Variants in SORBS2 observed in about 807,000 individuals in gnomAD.
SORBS2 encodes the protein sorbin and SH3 domain containing 2.
A neutral mutation model predicts 97.7 loss-of-function variants in SORBS2; 46 were observed. The ratio of observed to expected loss-of-function variants is 0.47; its 90% CI spans 0.37 to 0.60. The LOEUF (loss-of-function observed/expected upper bound fraction) is 0.60, where lower values mean the gene tolerates loss of function less well. Ranked by LOEUF, SORBS2 falls within the 20% of genes least tolerant of loss-of-function variation. The pLI is 0.00. For synonymous variants in SORBS2, 476 were observed against 473.4 expected (o/e 1.01, Z -0.07); for missense variants, 1,316 against 1,282.3 (o/e 1.03, Z -0.40).
At chr4:185,791,525 T>C (rs2099080033) in intron 1 of SORBS2, among the ~76,000 whole-genome samples, 1 of 152,166 alleles carries the variant, frequency 6.6e-6, no homozygotes, top group African/African-American at 2.4e-5. Flanking sequence ...GGCTGTACAG[T>C]GTTTATCATA....
intron 2 of SORBS2, among the ~76,000 whole-genome samples, chr4:185,720,420 G>C (rs1429801555): frequency 1.3e-5 from 2 of 152,200 alleles, no homozygotes; most frequent in East Asian, 3.8e-4. Flanking sequence ...GTCTTGGGTT[G>C]AGTGACACGG....
intron 1 of SORBS2, among the ~76,000 whole-genome samples, chr4:185,913,622 C>T (rs909152515): frequency 6.6e-6 from 1 of 152,108 alleles, no homozygotes; most frequent in Non-Finnish European, 1.5e-5. Context: ...AAACCAGATT[C>T]TGAAGAGGAT....
intron 12 of SORBS2, among the ~76,000 whole-genome samples, chr4:185,600,266 G>A (rs2096229122): frequency 6.6e-6 from 1 of 152,214 alleles, no homozygotes; most frequent in African/African-American, 2.4e-5. Context: ...CACAGGCACA[G>A]CAGAAAAAGG....
chr4:185,680,185 AT>A (rs1298594209), intron 2 of SORBS2, among the ~76,000 whole-genome samples: 1 of 152,010 alleles, frequency 6.6e-6, no homozygotes, highest in East Asian at 1.9e-4. Context: ...TTTTTATTTT[AT>A]TTTTTAAAGA....
chr4:185,886,283 C>G (rs950701091), intron 1 of SORBS2, among the ~76,000 whole-genome samples: 1 of 152,030 alleles, frequency 6.6e-6, no homozygotes, highest in Admixed American at 6.6e-5. Context: ...CCACCCAGTG[C>G]GGTGGCTCAC....
intron 1 of SORBS2, among the ~76,000 whole-genome samples, chr4:185,654,836 C>A (rs2097370514): frequency 6.6e-6 from 1 of 152,030 alleles, no homozygotes; most frequent in Non-Finnish European, 1.5e-5. Flanking sequence ...ACTAAATAGA[C>A]CTGAATTTTT....
intron 1 of SORBS2, among the ~76,000 whole-genome samples, chr4:185,655,506 C>A (rs1350617192): frequency 1.3e-5 from 2 of 152,134 alleles, no homozygotes; most frequent in African/African-American, 4.8e-5. Flanking sequence ...CCTCATAGAC[C>A]TGGACCTTCT....
upstream of SORBS2, among the ~76,000 whole-genome samples, chr4:185,660,156 T>G (rs2097492255): frequency 6.6e-6 from 1 of 152,216 alleles, no homozygotes; most frequent in African/African-American, 2.4e-5. Flanking sequence ...AAAATCTACT[T>G]ATCAATATAT....
At chr4:185,665,353 A>C (rs1336837583) in intron 4 of SORBS2, among the ~76,000 whole-genome samples, 19 of 152,226 alleles carry the variant, frequency 1.2e-4, no homozygotes, top group Non-Finnish European at 1.5e-5. Flanking sequence ...TGAGTCTGTG[A>C]GAAAAACTGC....
At chr4:185,884,258 C>T (rs2099238252) in intron 1 of SORBS2, among the ~76,000 whole-genome samples, 1 of 151,988 alleles carries the variant, frequency 6.6e-6, no homozygotes, top group African/African-American at 2.4e-5. Flanking sequence ...GGAATTGTTC[C>T]CATTTATCAT....
chr4:185,864,895 G>A (rs1325057704), intron 1 of SORBS2, among the ~76,000 whole-genome samples: 3 of 147,534 alleles, frequency 2.0e-5, no homozygotes, highest in Non-Finnish European at 4.5e-5. Flanking sequence ...CTGGGCGATA[G>A]AGTGAGACTC....
In SORBS2 at chr4:185,678,218, A is replaced by T. The variant is rs1021521340; in HGVS notation, c.-46+205T>A. ...CCGACATACTTTGATAAGCTTAATC[A>T]GAAACAAAACCAAACCAAACCCTTG... is the stretch of plus-strand genomic sequence containing the variant. On this transcript the variant is annotated intron_variant, in intron 4 of 20. Coordinates refer to the SORBS2 transcript ENST00000284776. 2.0e-5 allele frequency among the ~76,000 whole-genome samples: 3 copies of T among 152,232 alleles called. No homozygotes were observed. The South Asian group carries it at 6.2e-4, about 32-fold the overall frequency.
At chr4:185,780,914 A>T (rs2099025454) in intron 1 of SORBS2, among the ~76,000 whole-genome samples, 1 of 152,060 alleles carries the variant, frequency 6.6e-6, no homozygotes, top group Admixed American at 6.5e-5. Context: ...TCTAGTTGAA[A>T]CTTTGTTTCA....
chr4:185,836,361 G>C (rs768343915), intron 1 of SORBS2, among the ~76,000 whole-genome samples: 8 of 152,174 alleles, frequency 5.3e-5, no homozygotes, highest in Non-Finnish European at 1.0e-4. Context: ...GCTCTCATCA[G>C]AGTAGACAGA....
At chr4:185,801,346 T>C (rs562010493) in intron 1 of SORBS2, among the ~76,000 whole-genome samples, 4 of 152,332 alleles carry the variant, frequency 2.6e-5, no homozygotes, top group Admixed American at 2.6e-4. Context: ...GAAGTGGAGT[T>C]GCTAGATCAT....
At chr4:185,856,406 TG>T (rs1434187949) in intron 1 of SORBS2, among the ~76,000 whole-genome samples, 1 of 152,204 alleles carries the variant, frequency 6.6e-6, no homozygotes, top group East Asian at 1.9e-4. Context: ...CCTACACCTC[TG>T]CCTGGCATGT....
At chr4:185,866,722 T>C (rs1376622627) in intron 1 of SORBS2, among the ~76,000 whole-genome samples, 1 of 152,236 alleles carries the variant, frequency 6.6e-6, no homozygotes, top group Non-Finnish European at 1.5e-5. Flanking sequence ...ATCTTGAATA[T>C]TGTCTTGAAA....
rs992675828 is a variant in SORBS2, at chr4:185,928,179, A to C, written c.-338+28017T>G. Among the ~76,000 whole-genome samples the C allele has an allele frequency of 5.3e-4, 80 of 152,030 alleles. 5 individuals carry two copies. The highest frequency in any genetic ancestry group is 1.6e-4 in the Non-Finnish European group (11 of 68,004). Reference sequence around the variant, plus strand: ...TCATCACTTTGGGGGACCAAAGTGGAAGGATTCCTTGAGCCAAGGAGTTCA... The same window carrying C: ...TCATCACTTTGGGGGACCAAAGTGGCAGGATTCCTTGAGCCAAGGAGTTCA... On this transcript the variant is annotated intron_variant, in intron 1 of 20. Transcript: ENST00000284776.
chr4:185,852,164 GT>G (rs1411856272), intron 1 of SORBS2, among the ~76,000 whole-genome samples: 1 of 152,150 alleles, frequency 6.6e-6, no homozygotes, highest in African/African-American at 2.4e-5. Flanking sequence ...GCCGATCCCT[GT>G]AAACATCCCC....
Sources: allele counts gnomAD v4.1 joint callset (sites outside exome capture counted in the v4.1 genomes callset), GRCh38; gene constraint gnomAD v4.1.1; transcripts MANE v1.5; gene names NCBI Gene and HGNC (gene_info 2026-07-23, HGNC 2026-07-21).